PARD3: variants seen among roughly 807,000 people sequenced by gnomAD.
PARD3 encodes partitioning defective 3 homolog.
Under a neutral mutation model 155.4 loss-of-function variants are expected in PARD3, and 75 were observed. The observed-to-expected ratio is 0.48, with a 90% CI of 0.40 to 0.58. PARD3 has a LOEUF of 0.58. PARD3 is among the 20% of genes least tolerant of loss of function. The pLI, the probability that PARD3 is intolerant of heterozygous loss-of-function variation, is 0.00. For missense variants in PARD3, 1,642 were observed against 1,721.7 expected (o/e 0.95, Z 0.82); for synonymous variants, 576 against 610.5 (o/e 0.94, Z 0.83).
intron 22 of PARD3, among the ~76,000 whole-genome samples, chr10:34,245,538 G>A (rs931976686): frequency 6.6e-6 from 1 of 151,964 alleles, no homozygotes; most frequent in Non-Finnish European, 1.5e-5. Context: ...CGTAAATGCT[G>A]TGACTTCATT....
chr10:34,645,740 G>A (rs2092817885), intron 2 of PARD3, among the ~76,000 whole-genome samples: 1 of 152,096 alleles, frequency 6.6e-6, no homozygotes, highest in East Asian at 1.9e-4. Flanking sequence ...GTTCTCACTG[G>A]GATATTAAGA....
intron 2 of PARD3, among the ~76,000 whole-genome samples, chr10:34,610,187 G>A (rs1258516340): frequency 6.6e-6 from 1 of 152,090 alleles, no homozygotes; most frequent in Non-Finnish European, 1.5e-5. Context: ...ATATCGGCTA[G>A]GGCATGTGGC....
chr10:34,200,373 G>A (rs757418121), intron 22 of PARD3, among the ~76,000 whole-genome samples: 2 of 152,130 alleles, frequency 1.3e-5, no homozygotes, highest in Admixed American at 1.3e-4. Context: ...CTTATTGGGG[G>A]ATGGCTGATA....
At chr10:34,379,933 T>A (rs1381245133) in intron 9 of PARD3, among the ~76,000 whole-genome samples, 1 of 152,066 alleles carries the variant, frequency 6.6e-6, no homozygotes, top group Non-Finnish European at 1.5e-5. Context: ...TATACTGACA[T>A]CTTTTTTTGT....
At chr10:34,625,624 A>G (rs1012626614) in intron 2 of PARD3, among the ~76,000 whole-genome samples, 5 of 152,224 alleles carry the variant, frequency 3.3e-5, no homozygotes, top group African/African-American at 1.2e-4. Context: ...TGAAAAGTCA[A>G]CTTCAAGGCC....
At chr10:34,611,503 G>T (rs1462597458) in intron 2 of PARD3, among the ~76,000 whole-genome samples, 2 of 152,106 alleles carry the variant, frequency 1.3e-5, no homozygotes, top group African/African-American at 4.8e-5. Flanking sequence ...GTAATTTCGG[G>T]ATTTTCTGAT....
intron 22 of PARD3, among the ~76,000 whole-genome samples, chr10:34,184,484 G>A (rs1161487665): frequency 6.6e-6 from 1 of 152,162 alleles, no homozygotes; most frequent in Non-Finnish European, 1.5e-5. Flanking sequence ...TGTTTGCAAA[G>A]TGCTTGTAGA....
At chr10:34,338,516 G>T (rs1213481790) in intron 16 of PARD3, among the ~76,000 whole-genome samples, 2 of 152,158 alleles carry the variant, frequency 1.3e-5, no homozygotes, top group Non-Finnish European at 2.9e-5. Flanking sequence ...CACTAAAAAT[G>T]CCCAGGGCTC....
intron 1 of PARD3, among the ~76,000 whole-genome samples, chr10:34,756,997 A>G (rs1158807022): frequency 6.6e-6 from 1 of 152,234 alleles, no homozygotes; most frequent in Non-Finnish European, 1.5e-5. Flanking sequence ...AAGGTTCTAA[A>G]GTCATAAACA....
chr10:34,228,267 G>A (rs540343823), intron 22 of PARD3, among the ~76,000 whole-genome samples: 4 of 151,940 alleles, frequency 2.6e-5, no homozygotes, highest in Admixed American at 2.0e-4. Context: ...GGAGGGAGGA[G>A]GGTAAGGACT....
rs574013087 is a variant in PARD3, at chr10:34,416,935, C to T, written c.715-15018G>A. On this transcript the variant is annotated intron_variant, in intron 5 of 24. Coordinates refer to ENST00000374788, the MANE Select transcript of PARD3 (RefSeq NM_001184785.2). ...TCCTTCATCATTCCTGGCCATAGGCCAAGCTAACTTTGGGAGGAATTTAGT... is the reference window on the plus strand; with the variant it reads ...TCCTTCATCATTCCTGGCCATAGGCTAAGCTAACTTTGGGAGGAATTTAGT... 2.0e-5 allele frequency among the ~76,000 whole-genome samples: 3 copies of T among 152,340 alleles called. No homozygotes were observed. In the South Asian group the frequency reaches 6.2e-4, roughly 32 times the overall value.
intron 7 of PARD3, among the ~76,000 whole-genome samples, chr10:34,394,867 C>T (rs1268602962): frequency 6.6e-6 from 1 of 151,720 alleles, no homozygotes; most frequent in African/African-American, 2.4e-5. Context: ...GCTGATTACG[C>T]TTCACTAAGC....
intron 3 of PARD3, among the ~76,000 whole-genome samples, chr10:34,506,569 C>T (rs1047214753): frequency 1.3e-5 from 2 of 152,116 alleles, no homozygotes; most frequent in African/African-American, 4.8e-5. Flanking sequence ...ACATGATACA[C>T]TGAAGAGAGT....
At chr10:34,312,387 A>AT in intron 20 of PARD3, 1 of 1,612,674 alleles carries the variant, frequency 6.2e-7, no homozygotes, top group Non-Finnish European at 8.5e-7. Flanking sequence ...GCAAGGCTAA[A>AT]TGAGAGACAC....
chr10:34,568,895 A>G (rs963837502), intron 2 of PARD3, among the ~76,000 whole-genome samples: 11 of 152,224 alleles, frequency 7.2e-5, no homozygotes, highest in Non-Finnish European at 1.5e-4. Context: ...AGACTTAATT[A>G]CATTTTCAGT....
chr10:34,372,552 A>T lies in PARD3; in HGVS notation c.1669-16T>A. ...GCTCTGCATTCTAGAAGAATTGAAG[A>T]AAAACATAAATACAGACTGACCAAA... On this transcript the variant is annotated splice_polypyrimidine_tract_variant and intron_variant, in intron 11 of 24. Coordinates refer to ENST00000374788, the MANE Select transcript of PARD3 (RefSeq NM_001184785.2). 6.3e-7 allele frequency: 1 copy of T among 1,591,744 alleles called. No individual in the cohort carries two copies. Among genetic ancestry groups the T allele is most frequent in the East Asian group, 2.2e-5 (1 of 44,666 alleles).
chr10:34,173,873 G>A (rs1949915178), intron 22 of PARD3, among the ~76,000 whole-genome samples: 1 of 152,170 alleles, frequency 6.6e-6, no homozygotes, highest in Non-Finnish European at 1.5e-5. Context: ...TTTAACTGGT[G>A]AATGTGGCCC....
intron 22 of PARD3, among the ~76,000 whole-genome samples, chr10:34,178,120 T>C (rs1384817638): frequency 6.6e-6 from 1 of 152,168 alleles, no homozygotes; most frequent in Non-Finnish European, 1.5e-5. Flanking sequence ...AATAACACAC[T>C]TTTGGCTGCA....
At chr10:34,522,963 C>G (rs1212680976) in intron 2 of PARD3, among the ~76,000 whole-genome samples, 1 of 152,206 alleles carries the variant, frequency 6.6e-6, no homozygotes, top group Non-Finnish European at 1.5e-5. Flanking sequence ...AGGCTACAAA[C>G]TAAGATTATC....
Sources: gnomAD v4.1 joint callset for allele counts (sites outside exome capture counted in the v4.1 genomes callset) on GRCh38, gnomAD v4.1.1 for gene constraint, MANE v1.5 for transcripts, NCBI Gene and HGNC (gene_info 2026-07-23, HGNC 2026-07-21) for gene names.